MDGA2: variants seen among roughly 807,000 people sequenced by gnomAD.
The protein encoded by MDGA2 is MAM domain-containing glycosylphosphatidylinositol anchor protein 2.
In MDGA2, 40 loss-of-function variants were observed where a neutral mutation model predicts 117.8. That is an observed-to-expected ratio of 0.34 (90% confidence interval 0.26 to 0.44). The LOEUF (loss-of-function observed/expected upper bound fraction) is 0.44. Among genes scored for constraint, MDGA2 ranks in the 20% least tolerant of loss-of-function variants. The pLI is 1.00. For synonymous variants in MDGA2, 452 were observed against 439.0 expected (o/e 1.03, Z -0.37); for missense variants, 1,123 against 1,250.6 (o/e 0.90, Z 1.54).
intron 2 of MDGA2, among the ~76,000 whole-genome samples, chr14:47,255,580 T>C (rs1168197705): frequency 6.6e-6 from 1 of 152,214 alleles, no homozygotes; most frequent in African/African-American, 2.4e-5. Flanking sequence ...TCCCTCCTCT[T>C]TTTAATCCTC....
chr14:47,546,779 A>C (rs1160351), intron 1 of MDGA2, among the ~76,000 whole-genome samples: 48,031 of 151,994 alleles, frequency 0.32, 8,497 homozygotes, highest in East Asian at 0.59. Flanking sequence ...AACCTTGAGA[A>C]TGTTTCTTGG....
At chr14:47,156,569 T>TA (rs1334785213) in intron 3 of MDGA2, among the ~76,000 whole-genome samples, 1 of 152,188 alleles carries the variant, frequency 6.6e-6, no homozygotes, top group Non-Finnish European at 1.5e-5. Context: ...AGTCACAAGT[T>TA]AAAAAAATCA....
At chr14:47,431,693 A>AAGTTATAC (rs1272343349) in intron 1 of MDGA2, among the ~76,000 whole-genome samples, 2 of 152,076 alleles carry the variant, frequency 1.3e-5, no homozygotes, top group Non-Finnish European at 1.5e-5. Flanking sequence ...TTACAAAAAT[A>AAGTTATAC]AGTTATACTT....
chr14:47,455,442 G>T (rs1893329507), intron 1 of MDGA2, among the ~76,000 whole-genome samples: 1 of 152,092 alleles, frequency 6.6e-6, no homozygotes, highest in Admixed American at 6.5e-5. Context: ...GGAGGCAGAG[G>T]TTGCAGTGAG....
chr14:47,276,898 C>A (rs2139721672), intron 2 of MDGA2, among the ~76,000 whole-genome samples: 1 of 152,288 alleles, frequency 6.6e-6, no homozygotes, highest in Non-Finnish European at 1.5e-5. Context: ...CCATTCATTT[C>A]TCTTACAAAT....
intron 1 of MDGA2, among the ~76,000 whole-genome samples, chr14:47,318,222 C>T (rs1412946718): frequency 6.7e-6 from 1 of 149,688 alleles, no homozygotes; most frequent in African/African-American, 2.4e-5. Context: ...GGTTTTCTAA[C>T]ACTTTAAAAG....
At chr14:47,197,420 G>C (rs1885326435) in intron 3 of MDGA2, among the ~76,000 whole-genome samples, 1 of 151,976 alleles carries the variant, frequency 6.6e-6, no homozygotes, top group Admixed American at 6.6e-5. Context: ...GTGCTCCGTG[G>C]CTCACTAGAT....
intron 3 of MDGA2, among the ~76,000 whole-genome samples, chr14:47,202,365 C>T (rs2139447382): frequency 6.6e-6 from 1 of 152,304 alleles, no homozygotes; most frequent in Non-Finnish European, 1.5e-5. Context: ...ATTAGATTAA[C>T]TCATTAACAC....
In MDGA2 at chr14:47,262,586, G is replaced by A. The variant is rs528599879; in HGVS notation, c.420+38825C>T. 2.2e-4 allele frequency among the ~76,000 whole-genome samples: 34 copies of A among 152,260 alleles called. No individual in the cohort carries two copies. The South Asian group carries it at 6.6e-3, about 30-fold the overall frequency. On this transcript the variant is annotated intron_variant, in intron 2 of 16. Transcript: ENST00000399232. ...TTTTTCTCCCTTACTCCATGAATTTGCTTGGGCAACACCATCTAGGCCATC... is the reference window on the plus strand; with the variant it reads ...TTTTTCTCCCTTACTCCATGAATTTACTTGGGCAACACCATCTAGGCCATC...
intron 3 of MDGA2, among the ~76,000 whole-genome samples, chr14:47,160,570 G>C (rs1210879067): frequency 6.6e-6 from 1 of 152,120 alleles, no homozygotes; most frequent in Non-Finnish European, 1.5e-5. Flanking sequence ...TGAAGCAAGA[G>C]AATCACTTAA....
chr14:47,160,334 T>C (rs1428352053), intron 3 of MDGA2, among the ~76,000 whole-genome samples: 1 of 152,194 alleles, frequency 6.6e-6, no homozygotes, highest in Non-Finnish European at 1.5e-5. Flanking sequence ...GCTTTTTTGG[T>C]TATTCTCAGG....
chr14:46,950,407 A>C (rs1319522518), intron 9 of MDGA2, among the ~76,000 whole-genome samples: 1 of 151,940 alleles, frequency 6.6e-6, no homozygotes, highest in Non-Finnish European at 1.5e-5. Context: ...CACATGTAGT[A>C]GGGTTGTTGG....
intron 7 of MDGA2, among the ~76,000 whole-genome samples, chr14:47,042,332 T>G (rs1285142381): frequency 7.3e-6 from 1 of 136,506 alleles, no homozygotes; most frequent in African/African-American, 2.7e-5. Flanking sequence ...TTTTTTTGTG[T>G]GTGTGTGTGT....
intron 1 of MDGA2, among the ~76,000 whole-genome samples, chr14:47,323,567 G>A (rs1333716903): frequency 6.6e-6 from 1 of 151,870 alleles, no homozygotes; most frequent in Non-Finnish European, 1.5e-5. Context: ...GGGAGGTGGA[G>A]GTTACAGTGT....
chr14:47,105,648 A>T (rs1880616988), intron 5 of MDGA2, among the ~76,000 whole-genome samples: 1 of 151,658 alleles, frequency 6.6e-6, no homozygotes, highest in South Asian at 2.1e-4. Flanking sequence ...TTGTCGTAAA[A>T]TAGGCAAACG....
chr14:47,321,943 A>C (rs1040432364), intron 1 of MDGA2, among the ~76,000 whole-genome samples: 2 of 152,184 alleles, frequency 1.3e-5, no homozygotes, highest in African/African-American at 4.8e-5. Flanking sequence ...GGAGCTTACT[A>C]TTTTACAACT....
chr14:47,090,516 A>G (rs189427459), intron 6 of MDGA2, among the ~76,000 whole-genome samples: 2 of 152,296 alleles, frequency 1.3e-5, no homozygotes, highest in African/African-American at 4.8e-5. Context: ...ATGGGTATCA[A>G]GGCGTCATGG....
At chr14:47,080,813 T>G (rs762247632) in intron 6 of MDGA2, among the ~76,000 whole-genome samples, 14 of 152,176 alleles carry the variant, frequency 9.2e-5, no homozygotes, top group Non-Finnish European at 1.8e-4. Context: ...TCTGCTCATT[T>G]CCTTTCTTCA....
At chr14:47,298,889 C>T (rs189027147) in intron 2 of MDGA2, among the ~76,000 whole-genome samples, 247 of 151,728 alleles carry the variant, frequency 1.6e-3, no homozygotes, top group African/African-American at 3.4e-3. Flanking sequence ...GGTTTCACCA[C>T]GTTAGCCAGG....
Sources: gnomAD v4.1 joint callset for allele counts (sites outside exome capture counted in the v4.1 genomes callset) on GRCh38, gnomAD v4.1.1 for gene constraint, MANE v1.5 for transcripts, NCBI Gene and HGNC (gene_info 2026-07-23, HGNC 2026-07-21) for gene names.